HIP1: variants seen among roughly 807,000 people sequenced by gnomAD.
HIP1 encodes huntingtin interacting protein 1, also known as huntingtin-interacting protein 1.
HIP1 carries 65 observed loss-of-function variants against 147.6 expected under a neutral mutation model. The ratio of observed to expected loss-of-function variants is 0.44; its 90% CI spans 0.36 to 0.54. HIP1 has a LOEUF of 0.54. HIP1 is among the 20% of genes least tolerant of loss of function. The pLI is 0.00. For missense variants in HIP1, 1,061 were observed against 1,299.6 expected, an observed-to-expected ratio of 0.82 and a Z score of 2.82; for synonymous variants, 479 against 504.0, an observed-to-expected ratio of 0.95 and a Z score of 0.67.
intron 1 of HIP1, among the ~76,000 whole-genome samples, chr7:75,652,314 C>G (rs75029764): frequency 9.5e-6 from 1 of 105,468 alleles, no homozygotes; most frequent in East Asian, 3.6e-4. Flanking sequence ...GAGACTGTCT[C>G]AAAAAAAAAA....
intron 1 of HIP1, among the ~76,000 whole-genome samples, chr7:75,648,777 A>T (rs1405328264): frequency 6.6e-6 from 1 of 152,008 alleles, no homozygotes; most frequent in Non-Finnish European, 1.5e-5. Context: ...CTGCCCAGAG[A>T]GCAGACCCTG....
intron 22 of HIP1, among the ~76,000 whole-genome samples, chr7:75,550,660 G>A (rs587741089): frequency 2.6e-5 from 4 of 152,154 alleles, no homozygotes; most frequent in Admixed American, 6.6e-5. Context: ...TGATCCTCCC[G>A]CTTCGGCCTC....
chr7:75,680,361 T>C (rs1554516680), intron 1 of HIP1, among the ~76,000 whole-genome samples: 1 of 151,954 alleles, frequency 6.6e-6, no homozygotes, highest in Non-Finnish European at 1.5e-5. Context: ...AGCTTTTAAA[T>C]ATCTCCACCC....
intron 1 of HIP1, among the ~76,000 whole-genome samples, chr7:75,700,709 C>CTT (rs879958028): frequency 2.1e-5 from 3 of 144,670 alleles, no homozygotes; most frequent in Admixed American, 1.4e-4. Flanking sequence ...CAGGTGAACA[C>CTT]TTTTTTTTTT....
At chr7:75,634,361 C>T (rs1798349422) in intron 1 of HIP1, among the ~76,000 whole-genome samples, 1 of 152,284 alleles carries the variant, frequency 6.6e-6, no homozygotes, top group Non-Finnish European at 1.5e-5. Context: ...CCCTAGGAAC[C>T]CAGAGGCCAA....
At chr7:75,621,786 G>A (rs1554507170) in intron 1 of HIP1, among the ~76,000 whole-genome samples, 1 of 152,204 alleles carries the variant, frequency 6.6e-6, no homozygotes, top group Admixed American at 6.6e-5. Context: ...TGATGTTCTG[G>A]ATCTGGGGTG....
chr7:75,683,567 G>T (rs1322572792), intron 1 of HIP1, among the ~76,000 whole-genome samples: 2 of 152,186 alleles, frequency 1.3e-5, no homozygotes, highest in Non-Finnish European at 2.9e-5. Flanking sequence ...AGACCACTCA[G>T]AGCTCCCACC....
intron 25 of HIP1, 86 bp downstream of exon 25, chr7:75,546,853 A>G: frequency 1.1e-6 from 1 of 934,782 alleles, no homozygotes; most frequent in Non-Finnish European, 1.7e-6. Context: ...CACACAGAGT[A>G]AGACGGCAGC....
At chr7:75,599,088 T>A in intron 2 of HIP1, 96 bp downstream of exon 2, 1 of 909,176 alleles carries the variant, frequency 1.1e-6, no homozygotes, top group Non-Finnish European at 1.8e-6. Flanking sequence ...GGGTTGCCCC[T>A]TCCTGGAGCT....
At chr7:75,558,394 T>C in intron 14 of HIP1, 139 bp from the exon 15 acceptor site, 1 of 696,932 alleles carries the variant, frequency 1.4e-6, no homozygotes, top group Non-Finnish European at 2.6e-6. Context: ...TGGGGTGCAG[T>C]GGCACAATCA....
intron 5 of HIP1, 87 bp downstream of exon 5, chr7:75,586,666 A>G: frequency 6.1e-6 from 5 of 822,264 alleles, no homozygotes; most frequent in Non-Finnish European, 1.1e-5. Flanking sequence ...TATTACCTGA[A>G]AGAGCTGACA....
chr7:75,592,007 A>C (rs1796516129), intron 4 of HIP1, 49 bp downstream of exon 4: 3 of 1,450,164 alleles, frequency 2.1e-6, no homozygotes, highest in African/African-American at 2.8e-5. Flanking sequence ...GTGGCCTCTG[A>C]GGAAGGAAAG....
chr7:75,581,201 T>G (rs782255302), intron 7 of HIP1, 36 bp downstream of exon 7: 5 of 1,530,348 alleles, frequency 3.3e-6, no homozygotes, highest in South Asian at 2.3e-5. Flanking sequence ...GTAGTTCCCA[T>G]GAGAGCCTGG....
intron 1 of HIP1, among the ~76,000 whole-genome samples, chr7:75,675,636 A>AT (rs1366880157): frequency 2.6e-5 from 4 of 151,704 alleles, no homozygotes; most frequent in East Asian, 1.9e-4. Context: ...CTTTTCATTC[A>AT]TTTTTTAGAC....
chr7:75,641,026 C>A, intron 1 of HIP1, among the ~76,000 whole-genome samples: 1 of 151,396 alleles, frequency 6.6e-6, no homozygotes, highest in East Asian at 2.0e-4. Context: ...GAAATAATAT[C>A]TTGGGCTTGG....
At chr7:75,657,044 C>T (rs118151630) in intron 1 of HIP1, among the ~76,000 whole-genome samples, 2,447 of 152,254 alleles carry the variant, frequency 0.016, 33 homozygotes, top group Non-Finnish European at 0.026. Flanking sequence ...AAAGTTGACC[C>T]GGCAATCCCA....
intron 8 of HIP1, among the ~76,000 whole-genome samples, chr7:75,573,311 T>A (rs1215270870): frequency 6.6e-6 from 1 of 152,196 alleles, no homozygotes. Context: ...TCTTTTCTGC[T>A]GAGAGCTGAA....
In HIP1 at chr7:75,582,008, C is replaced by T. The variant is rs919671386; in HGVS notation, c.542+67G>A. ...TCCCCCCATCAGGCCCTCCATGACC[C>T]TTATGAGAAGTGTCAGCATTCACAA... is the stretch of plus-strand genomic sequence containing the variant. On this transcript the variant is annotated intron_variant, in intron 6 of 30. Coordinates refer to ENST00000336926, the MANE Select transcript of HIP1 (RefSeq NM_005338.7). 6.0e-6 allele frequency: 8 copies of T among 1,342,996 alleles called. No homozygotes were observed. In the African/African-American group the frequency reaches 1.1e-4, roughly 19 times the overall value. 83.2% of individuals were successfully genotyped at this position (1,342,996 alleles called of 1,614,324 possible).
intron 1 of HIP1, among the ~76,000 whole-genome samples, chr7:75,603,555 G>A (rs1797094635): frequency 6.6e-6 from 1 of 152,008 alleles, no homozygotes; most frequent in Admixed American, 6.6e-5. Context: ...ATGATTTGGG[G>A]CTCTCCTGAG....
Sources: gnomAD v4.1 joint callset for allele counts (sites outside exome capture counted in the v4.1 genomes callset) on GRCh38, gnomAD v4.1.1 for gene constraint, MANE v1.5 for transcripts, NCBI Gene and HGNC (gene_info 2026-07-23, HGNC 2026-07-21) for gene names.